Variants in DSCAM observed in about 807,000 individuals in gnomAD.
The protein encoded by DSCAM is cell adhesion molecule DSCAM.
Under a neutral mutation model 217.7 loss-of-function variants are expected in DSCAM, and 47 were observed. The observed-to-expected ratio is 0.22, with a 90% CI of 0.17 to 0.28. DSCAM has a LOEUF of 0.28. Ranked by LOEUF, DSCAM falls within the 10% of genes least tolerant of loss-of-function variation. The pLI, the probability that DSCAM is intolerant of heterozygous loss-of-function variation, is 1.00. For missense variants in DSCAM, 2,080 were observed against 2,618.3 expected, an observed-to-expected ratio of 0.79 and a Z score of 4.49; for synonymous variants, 1,056 against 1,015.3, an observed-to-expected ratio of 1.04 and a Z score of -0.76.
chr21:40,026,722 T>C (rs1190523982), intron 32 of DSCAM, among the ~76,000 whole-genome samples: 1 of 148,028 alleles, frequency 6.8e-6, no homozygotes, highest in Non-Finnish European at 1.5e-5. Context: ...TTCCATTTGC[T>C]TGGTAGATCT....
At chr21:40,117,142 A>C (rs1568949389) in intron 20 of DSCAM, among the ~76,000 whole-genome samples, 1 of 152,156 alleles carries the variant, frequency 6.6e-6, no homozygotes, top group Non-Finnish European at 1.5e-5. Context: ...ATCCCAAAGT[A>C]CATAACACAA....
intron 1 of DSCAM, among the ~76,000 whole-genome samples, chr21:40,783,779 T>C (rs568059873): frequency 6.6e-6 from 1 of 152,336 alleles, no homozygotes; most frequent in East Asian, 1.9e-4. Context: ...CACTGCATTG[T>C]TGAAGGCAAA....
chr21:40,155,102 T>G (rs8130025), intron 16 of DSCAM, among the ~76,000 whole-genome samples: 66,522 of 152,150 alleles, frequency 0.44, 15,040 homozygotes, highest in East Asian at 0.6. Context: ...AGCTCCTCTT[T>G]TTGGGACACT....
intron 29 of DSCAM, 46 bp from the exon 30 acceptor site, chr21:40,052,153 T>C (rs1473323860): frequency 3.7e-6 from 6 of 1,602,690 alleles, no homozygotes; most frequent in Non-Finnish European, 4.3e-6. Context: ...TTTATCTCCC[T>C]TCCAACCACT....
chr21:40,242,481 C>G (rs1210826920), intron 11 of DSCAM, among the ~76,000 whole-genome samples: 1 of 152,162 alleles, frequency 6.6e-6, no homozygotes, highest in Non-Finnish European at 1.5e-5. Context: ...GAAATGTGAG[C>G]AGAAGTACCA....
chr21:40,305,489 G>A (rs1315049696), intron 9 of DSCAM, among the ~76,000 whole-genome samples: 2 of 151,446 alleles, frequency 1.3e-5, no homozygotes, highest in African/African-American at 2.4e-5. Flanking sequence ...CATTGCTTTT[G>A]GTGTTTTAGA....
At chr21:40,321,670 C>T (rs1179238925) in intron 8 of DSCAM, among the ~76,000 whole-genome samples, 4 of 150,574 alleles carry the variant, frequency 2.7e-5, no homozygotes, top group Non-Finnish European at 4.4e-5. Flanking sequence ...CCCACCTCAA[C>T]CAGATTAATG....
chr21:40,776,995 A>G (rs544297020), intron 1 of DSCAM, among the ~76,000 whole-genome samples: 54 of 152,224 alleles, frequency 3.5e-4, no homozygotes, highest in Admixed American at 6.5e-4. Flanking sequence ...CTCTCTCACT[A>G]TATCTTAGTC....
At chr21:40,672,102 A>C (rs568113962) in intron 3 of DSCAM, among the ~76,000 whole-genome samples, 2 of 152,282 alleles carry the variant, frequency 1.3e-5, no homozygotes, top group South Asian at 4.1e-4. Flanking sequence ...ACTTCTTATA[A>C]GGACACCAGT....
chr21:40,174,857 A>G (rs531480127), intron 15 of DSCAM, among the ~76,000 whole-genome samples: 15 of 152,344 alleles, frequency 9.8e-5, no homozygotes, highest in African/African-American at 3.4e-4. Context: ...GCTGCAGCTT[A>G]TGGCCTGGGA....
At position 40,075,103 on chromosome 21, in the gene DSCAM, G is replaced by C. The variant is rs1302719621; in HGVS notation, c.4822C>G (p.Leu1608Val). ...ACAACCAGCAGGAGCACAAACAGCA[G>C]CAAGACCCCCACCAGGATACAGGAG... ...TISCILVGVL[L>V]LFVLLLVVRR... The change falls in exon 27 of 33, where the codon CTG becomes GTG. Residue 1608 changes from leucine to valine, a missense_variant. Physicochemically the swap from Leu to Val is conservative, Grantham distance 32. Transcript: ENST00000400454. 2 of 1,614,146 alleles carry C rather than the reference G, an allele frequency of 1.2e-6. No homozygotes were observed. The highest frequency in any genetic ancestry group is 3.3e-5 in the Admixed American group (2 of 60,022).
intron 19 of DSCAM, among the ~76,000 whole-genome samples, chr21:40,131,047 A>G (rs1387079602): frequency 6.6e-6 from 1 of 152,250 alleles, no homozygotes; most frequent in East Asian, 1.9e-4. Flanking sequence ...TATCTTATTG[A>G]GAAAGAACTG....
intron 3 of DSCAM, among the ~76,000 whole-genome samples, chr21:40,494,934 G>A (rs1157203558): frequency 3.3e-5 from 5 of 150,664 alleles, no homozygotes; most frequent in Admixed American, 6.6e-5. Flanking sequence ...ACAGAAATAC[G>A]AAGGATTATA....
At chr21:40,241,271 G>A (rs1167899196) in intron 11 of DSCAM, among the ~76,000 whole-genome samples, 3 of 152,078 alleles carry the variant, frequency 2.0e-5, no homozygotes, top group African/African-American at 7.2e-5. Context: ...GTATCTATAG[G>A]AATGTAAACA....
chr21:40,259,661 C>CTTTTTT (rs542106779), intron 11 of DSCAM, among the ~76,000 whole-genome samples: 1,009 of 59,554 alleles, frequency 0.017, 251 homozygotes, highest in Non-Finnish European at 0.026. Context: ...GTCAGCCATT[C>CTTTTTT]TTTTTTTTTT....
At chr21:40,145,345 G>A (rs1445378844) in intron 16 of DSCAM, among the ~76,000 whole-genome samples, 1 of 152,150 alleles carries the variant, frequency 6.6e-6, no homozygotes, top group Admixed American at 6.6e-5. Context: ...TTGAAAACTG[G>A]CATGGGAAGG....
At position 40,316,126 on chromosome 21, in the gene DSCAM, A is replaced by C. The variant is rs187932070; in HGVS notation, c.1784-3767T>G. ...TAAAATATTTTAAAACATATCTACC[A>C]AAAAAAAGCCTTTCCAAAATGGTTA... On this transcript the variant is annotated intron_variant, in intron 8 of 32. Transcript: ENST00000400454. Among the ~76,000 whole-genome samples, 940 of 151,912 alleles carry C rather than the reference A, an allele frequency of 6.2e-3. 11 individuals are homozygous for C. Among genetic ancestry groups the C allele is most frequent in the African/African-American group, 0.021 (887 of 41,480 alleles).
At chr21:40,291,311 T>C (rs1481094047) in intron 10 of DSCAM, among the ~76,000 whole-genome samples, 1 of 152,202 alleles carries the variant, frequency 6.6e-6, no homozygotes, top group Non-Finnish European at 1.5e-5. Context: ...GTGATCCTTT[T>C]AAAGCATGAG....
chr21:40,096,949 A>G (rs1341975848), intron 20 of DSCAM, among the ~76,000 whole-genome samples: 1 of 152,184 alleles, frequency 6.6e-6, no homozygotes, highest in Non-Finnish European at 1.5e-5. Flanking sequence ...ATATAATTCA[A>G]AATGAAAGTG....
Sources: allele counts gnomAD v4.1 joint callset (sites outside exome capture counted in the v4.1 genomes callset), GRCh38; gene constraint gnomAD v4.1.1; transcripts MANE v1.5; gene names NCBI Gene and HGNC (gene_info 2026-07-23, HGNC 2026-07-21).